The following RAPGEF1 variants were observed in gnomAD, a reference collection of about 807,000 sequenced individuals.
The protein encoded by RAPGEF1 is CRK SH3-binding GNRP.
Under a neutral mutation model 143.3 loss-of-function variants are expected in RAPGEF1, and 33 were observed. The ratio of observed to expected loss-of-function variants is 0.23; its 90% confidence interval spans 0.17 to 0.31. The LOEUF is 0.31. RAPGEF1 is among the 10% of genes least tolerant of loss of function. The probability of loss-of-function intolerance (pLI) is 1.00; values close to 1 mark genes in which losing one functional copy is unlikely to be tolerated. For missense variants in RAPGEF1, 1,199 were observed against 1,645.4 expected, an observed-to-expected ratio of 0.73 and a Z score of 4.69; for synonymous variants, 629 against 676.5, an observed-to-expected ratio of 0.93 and a Z score of 1.09.
At chr9:131,696,279 T>C (rs562059357) in intron 1 of RAPGEF1, among the ~76,000 whole-genome samples, 16 of 152,262 alleles carry the variant, frequency 1.1e-4, no homozygotes, top group East Asian at 9.6e-4. Flanking sequence ...CCCCGGACCA[T>C]CCTGGAGAAG....
chr9:131,738,647 C>T lies in RAPGEF1; in HGVS notation c.61+1123G>A, dbSNP rs928755539. Among the ~76,000 whole-genome samples, 7 of 152,302 alleles carry T rather than the reference C, an allele frequency of 4.6e-5. 1 individual carries two copies. The highest frequency in any genetic ancestry group is 1.7e-4 in the African/African-American group (7 of 41,550). ...TGTAAAACTGGGACCATATTCTTTCCCACAGACTAGCTTCAAAAATTTAAG... is the reference window on the plus strand; with the variant it reads ...TGTAAAACTGGGACCATATTCTTTCTCACAGACTAGCTTCAAAAATTTAAG... On this transcript the variant is annotated intron_variant, in intron 1 of 26. Transcript: ENST00000683357.
chr9:131,626,079 C>T lies in RAPGEF1; in HGVS notation c.1545G>A (p.Pro515=), dbSNP rs374381109. 5.9e-5 allele frequency: 96 copies of T among 1,613,918 alleles called. No individual in the cohort carries two copies. Among genetic ancestry groups the T allele is most frequent in the Middle Eastern group, 4.9e-4 (3 of 6,062 alleles). ...ISGEDLQSTA[P]IPSVPYAPFA... ...AGGGCGCGTAGGGGACGGATGGGATCGGGGCTGTGCTCTGCAGGTCCTCCC... is the reference window on the plus strand; with the variant it reads ...AGGGCGCGTAGGGGACGGATGGGATTGGGGCTGTGCTCTGCAGGTCCTCCC... Residue 515 remains proline, a synonymous_variant, in exon 10 of 27, where the codon CCG becomes CCA. Transcript: ENST00000683357.
intron 12 of RAPGEF1, among the ~76,000 whole-genome samples, chr9:131,618,640 T>C (rs1489985304): frequency 1.3e-5 from 2 of 152,220 alleles, no homozygotes; most frequent in African/African-American, 4.8e-5. Context: ...ACTTGAACTC[T>C]GGAGTTCAGG....
intron 1 of RAPGEF1, among the ~76,000 whole-genome samples, chr9:131,711,320 G>C (rs1308798846): frequency 2.7e-5 from 4 of 150,740 alleles, no homozygotes; most frequent in African/African-American, 9.8e-5. Context: ...CCAAAGTCCT[G>C]GGATTACAGG....
At position 131,621,897 on chromosome 9, in the gene RAPGEF1, G is replaced by A. The variant is rs1444279877; in HGVS notation, c.1804C>T (p.Leu602Phe). Residue 602 changes from leucine to phenylalanine, a missense_variant, in exon 11 of 27, where the codon CTC becomes TTC. Physicochemically the swap from Leu to Phe is conservative, Grantham distance 22. This residue lies in a region of RAPGEF1 where 293 missense variants were observed against 356.2 expected (regional missense o/e 0.82). Transcript: ENST00000683357. The surrounding 1 kb of genome is among the most constrained non-coding windows in gnomAD (Gnocchi z 4.5). ...CTGAAGCCGTATACCTCCATGAGGA[G>A]CTTGTTCTTCTGCTGGTAGATGTGC... ...NEHIYQQKNKLLMEVYGFSDS... is the reference protein window; with the variant it reads ...NEHIYQQKNKFLMEVYGFSDS... 6.2e-7 allele frequency: 1 copy of A among 1,613,672 alleles called. No homozygotes were observed. Among genetic ancestry groups the A allele is most frequent in the Admixed American group, 1.7e-5 (1 of 59,956 alleles).
chr9:131,594,385 G>C (rs1224458018), intron 17 of RAPGEF1, among the ~76,000 whole-genome samples: 1 of 152,218 alleles, frequency 6.6e-6, no homozygotes, highest in Non-Finnish European at 1.5e-5. Flanking sequence ...CAGGATCTAA[G>C]CTGAGGCCTG....
At position 131,621,865 on chromosome 9, in the gene RAPGEF1, G is replaced by A; in HGVS notation, c.1836C>T (p.Ser612=). 1 of 1,612,506 alleles carries A rather than the reference G, an allele frequency of 6.2e-7. No homozygotes were observed. Among genetic ancestry groups the A allele is most frequent in the Non-Finnish European group, 8.5e-7 (1 of 1,179,294 alleles). The change falls in exon 11 of 27, where the codon TCC becomes TCT. Residue 612 remains serine, a synonymous_variant. Transcript: ENST00000683357. The surrounding 1 kb of genome is among the most constrained non-coding windows in gnomAD (Gnocchi z 4.5). The part of the protein sequence containing the change: ...LLMEVYGFSD[S]FSGVDSVQEL... ...CCTGCACGGAGTCCACCCCACTGAA[G>A]GAGTCGCTGAAGCCGTATACCTCCA...
chr9:131,596,237 G>C (rs2132358285), intron 17 of RAPGEF1, 61 bp downstream of exon 17: 1 of 1,515,760 alleles, frequency 6.6e-7, no homozygotes, highest in East Asian at 2.3e-5. Context: ...ATAGCGGTGG[G>C]AGGCCGAGTG....
chr9:131,598,003 A>G (rs573721912), intron 16 of RAPGEF1, among the ~76,000 whole-genome samples, 196 bp downstream of exon 16: 5 of 152,338 alleles, frequency 3.3e-5, no homozygotes, highest in Admixed American at 1.3e-4. Context: ...TATAAGCATC[A>G]GAAGGAGACA....
chr9:131,712,844 A>G (rs1835603470), intron 1 of RAPGEF1, among the ~76,000 whole-genome samples: 1 of 152,196 alleles, frequency 6.6e-6, no homozygotes, highest in Admixed American at 6.5e-5. Context: ...AATAACTCCA[A>G]TGTGAACTGT....
intron 5 of RAPGEF1, among the ~76,000 whole-genome samples, chr9:131,633,437 T>C (rs903588875): frequency 2.6e-4 from 40 of 152,202 alleles, no homozygotes; most frequent in South Asian, 2.1e-4. Context: ...TTCACTCTTC[T>C]TTACAAGCAG....
At chr9:131,710,065 G>A in intron 1 of RAPGEF1, 1 of 506,940 alleles carries the variant, frequency 2.0e-6, no homozygotes, top group Non-Finnish European at 2.5e-6. Context: ...TTCTCCGCAG[G>A]AGAAATGGGG....
chr9:131,647,620 T>C (rs1969997991), intron 3 of RAPGEF1, among the ~76,000 whole-genome samples: 1 of 152,218 alleles, frequency 6.6e-6, no homozygotes, highest in Non-Finnish European at 1.5e-5. Context: ...GACATAATCC[T>C]CTAAGTCCAC....
At chr9:131,701,786 C>A (rs981205593) in intron 1 of RAPGEF1, among the ~76,000 whole-genome samples, 1 of 152,226 alleles carries the variant, frequency 6.6e-6, no homozygotes, top group African/African-American at 2.4e-5. Context: ...GGGCTTCAGA[C>A]AAGTTACTTC....
In RAPGEF1 at chr9:131,621,831, G is replaced by A. The variant is rs753616962; in HGVS notation, c.1870C>T (p.Pro624Ser). The A allele has an allele frequency of 5.6e-6, 9 of 1,610,300 alleles. No homozygotes were observed. Among genetic ancestry groups the A allele is most frequent in the Middle Eastern group, 3.3e-4 (2 of 6,078 alleles). ...TGCTTGGGGGGTAGGGCGGGCGGCG[G>A]GGCCAGCTCCTGCACGGAGTCCACC... ...SGVDSVQELA[P>S]PPALPPKQRQ... is the part of the protein sequence containing the mutation. The change falls in exon 11 of 27, where the codon CCG becomes TCG. Residue 624 changes from proline (P) to serine (S), a missense_variant. Pro to Ser is a moderately conservative substitution (Grantham distance 74). Transcript: ENST00000683357. The surrounding 1 kb of genome is among the most constrained non-coding windows in gnomAD (Gnocchi z 4.5).
Position 131,587,975 on chromosome 9 carries a change from C to T in RAPGEF1, c.3105G>A (p.Thr1035=), listed in dbSNP as rs375486224. The T allele has an allele frequency of 6.8e-6, 11 of 1,612,972 alleles. No individual in the cohort carries two copies. Among genetic ancestry groups the T allele is most frequent in the South Asian group, 4.4e-5 (4 of 90,938 alleles). Reference sequence around the variant, plus strand: ...TATAGAAGAGCTCAGCATCCAGCAGCGTTAGCTGCTCCGCTATCTCATGGC... The same window carrying T: ...TATAGAAGAGCTCAGCATCCAGCAGTGTTAGCTGCTCCGCTATCTCATGGC... The part of the protein sequence containing the change: ...FHSHEIAEQL[T]LLDAELFYKI... The change falls in exon 21 of 27, where the codon ACG becomes ACA. Residue 1035 remains threonine (T), a synonymous_variant. Coordinates refer to ENST00000683357, the MANE Select transcript of RAPGEF1 (RefSeq NM_001377935.1).
intron 1 of RAPGEF1, among the ~76,000 whole-genome samples, chr9:131,732,629 A>G (rs1360525659): frequency 6.6e-6 from 1 of 152,214 alleles, no homozygotes; most frequent in Non-Finnish European, 1.5e-5. Flanking sequence ...CAGAACCCCC[A>G]ACTAACTGCA....
At chr9:131,720,985 A>G (rs758647419) in intron 1 of RAPGEF1, among the ~76,000 whole-genome samples, 1 of 152,148 alleles carries the variant, frequency 6.6e-6, no homozygotes, top group Non-Finnish European at 1.5e-5. Flanking sequence ...GTACATGTTT[A>G]TGTTTCTTGA....
At chr9:131,664,241 A>G (rs1830069115) in intron 1 of RAPGEF1, among the ~76,000 whole-genome samples, 1 of 152,118 alleles carries the variant, frequency 6.6e-6, no homozygotes. Flanking sequence ...CCATTTCTCC[A>G]GGAAATCAGC....
Sources: allele counts gnomAD v4.1 joint callset (sites outside exome capture counted in the v4.1 genomes callset), GRCh38; gene constraint gnomAD v4.1.1; regional missense constraint gnomAD v4.1.1; non-coding constraint Gnocchi (gnomAD v3.1); transcripts MANE v1.5; gene names NCBI Gene and HGNC (gene_info 2026-07-23, HGNC 2026-07-21).